Variants in CSF1R observed in about 807,000 individuals in gnomAD.
CSF1R encodes the protein colony stimulating factor 1 receptor, also known as macrophage colony-stimulating factor 1 receptor.
A neutral mutation model predicts 110.0 loss-of-function variants in CSF1R; 40 were observed. That is an observed-to-expected ratio of 0.36 (90% CI 0.28 to 0.47). The LOEUF is 0.47. Among genes scored for constraint, CSF1R ranks in the 20% least tolerant of loss-of-function variants. The probability of loss-of-function intolerance (pLI) is 0.99; values close to 1 mark genes in which losing one functional copy is unlikely to be tolerated. For synonymous variants in CSF1R, 523 were observed against 503.4 expected (o/e 1.04, Z -0.52); for missense variants, 1,052 against 1,253.0 (o/e 0.84, Z 2.42).
chr5:150,069,289 A>C (rs535565050), intron 9 of CSF1R, among the ~76,000 whole-genome samples: 7 of 152,306 alleles, frequency 4.6e-5, no homozygotes, highest in Admixed American at 3.9e-4. Flanking sequence ...TGAGAATCAC[A>C]GAACTAGCTG....
chr5:150,070,813 G>A lies in CSF1R; in HGVS notation c.1083-242C>T, dbSNP rs184462938. On this transcript the variant is annotated intron_variant, in intron 6 of 20. Coordinates refer to ENST00000675795, the MANE Select transcript of CSF1R (RefSeq NM_001288705.3). Reference sequence around the variant, plus strand: ...TGTTTTTTTCCCGAGGTTTAATAGAGGTGATGTCTTCAAGGTGCTGGGAGG... The same window carrying A: ...TGTTTTTTTCCCGAGGTTTAATAGAAGTGATGTCTTCAAGGTGCTGGGAGG... Among the ~76,000 whole-genome samples the A allele has an allele frequency of 9.2e-5, 14 of 152,292 alleles. No individual in the cohort carries two copies. The East Asian group carries it at 2.1e-3, about 23-fold the overall frequency.
chr5:150,077,785 G>A (rs893105004), intron 4 of CSF1R, among the ~76,000 whole-genome samples: 1 of 152,154 alleles, frequency 6.6e-6, no homozygotes, highest in African/African-American at 2.4e-5. Context: ...TTCAATGGTG[G>A]CCTAGGAAAC....
In CSF1R at chr5:150,070,533, G is replaced by T; in HGVS notation, c.1121C>A (p.Ser374Tyr). The T allele has an allele frequency of 6.5e-7, 1 of 1,550,082 alleles. No homozygotes were observed. The highest frequency in any genetic ancestry group is 8.7e-7 in the Non-Finnish European group (1 of 1,146,746). The stretch of plus-strand genomic sequence containing the variant: ...CAGGAAGGAGTAGCGGCCAGCCTCA[G>T]AGGGCTTCAGGCGGGGCAGAGAGAG... The part of the protein sequence containing the change: ...FTLSLPRLKP[S>Y]EAGRYSFLAR... The change falls in exon 7 of 21, where the codon TCT becomes TAT. Residue 374 changes from serine (S) to tyrosine (Y), a missense_variant. Around this residue, in one of 5 missense-constraint regions of CSF1R, gnomAD observed 693 missense variants for 735.4 expected, o/e 0.94. Coordinates refer to ENST00000675795, the MANE Select transcript of CSF1R (RefSeq NM_001288705.3).
At chr5:150,063,006 G>A (rs1045184368) in intron 10 of CSF1R, among the ~76,000 whole-genome samples, 2 of 152,008 alleles carry the variant, frequency 1.3e-5, no homozygotes, top group Non-Finnish European at 2.9e-5. Flanking sequence ...ATGATAAGGT[G>A]AGTGGGTTCC....
At chr5:150,086,320 C>T (rs1484027139) in intron 1 of CSF1R, 59 bp downstream of exon 1, 2 of 1,524,700 alleles carry the variant, frequency 1.3e-6, no homozygotes, top group African/African-American at 1.4e-5. Flanking sequence ...TGAATCCTTT[C>T]ACAGGGGTCT....
chr5:150,066,034 G>C lies in CSF1R; in HGVS notation c.1626+2181C>G, dbSNP rs1757755324. On this transcript the variant is annotated intron_variant, in intron 10 of 20. Coordinates refer to ENST00000675795, the MANE Select transcript of CSF1R (RefSeq NM_001288705.3). ...TTGGAGCTGCTCAGAGAAGGAACAG[G>C]TGGCCCCGAGAGTGAGTAAGGTCCT... is the stretch of plus-strand genomic sequence containing the variant. 2.0e-5 allele frequency among the ~76,000 whole-genome samples: 3 copies of C among 152,324 alleles called. No individual in the cohort carries two copies. The East Asian group carries it at 5.8e-4, about 29-fold the overall frequency.
At chr5:150,068,522 T>C (rs1757883682) in intron 9 of CSF1R, among the ~76,000 whole-genome samples, 192 bp from the exon 10 acceptor site, 1 of 152,000 alleles carries the variant, frequency 6.6e-6, no homozygotes. Context: ...GACGGCCTCT[T>C]CAGCTCTGCT....
At position 150,070,263 on chromosome 5, in the gene CSF1R, C is replaced by A. The variant is rs751675713; in HGVS notation, c.1238G>T (p.Gly413Val). Residue 413 changes from glycine (G) to valine (V), a missense_variant, in exon 8 of 21, where the codon GGC becomes GTC. Coordinates refer to ENST00000675795, the MANE Select transcript of CSF1R (RefSeq NM_001288705.3). ...GGCAGCACACAAAAGGGTGCCAGAG[C>A]CGTTGATGAATGTCCATATGACGCT... ...EVSVIWTFINGSGTLLCAASG... is the reference protein window; with the variant it reads ...EVSVIWTFINVSGTLLCAASG... 2.2e-5 allele frequency: 36 copies of A among 1,614,018 alleles called. No individual in the cohort carries two copies. Among genetic ancestry groups the A allele is most frequent in the Non-Finnish European group, 3.0e-5 (35 of 1,180,014 alleles).
intron 19 of CSF1R, 179 bp from the exon 20 acceptor site, chr5:150,054,609 G>A (rs1213682073): frequency 1.7e-6 from 1 of 572,392 alleles, no homozygotes. Context: ...AGTAACCCTT[G>A]CAGAAGGGTA....
chr5:150,080,729 C>T (rs372581926), intron 2 of CSF1R, 38 bp downstream of exon 2: 23 of 1,611,982 alleles, frequency 1.4e-5, no homozygotes, highest in Middle Eastern at 1.7e-4. Context: ...TGGGGCCTGC[C>T]GGGTCAGGCC....
At chr5:150,077,620 C>T (rs758982328) in intron 4 of CSF1R, among the ~76,000 whole-genome samples, 185 bp from the exon 5 acceptor site, 6 of 152,132 alleles carry the variant, frequency 3.9e-5, no homozygotes, top group Non-Finnish European at 1.5e-5. Context: ...ATGAGATATG[C>T]ATGCAAGTGG....
chr5:150,074,627 G>T (rs1028999414), intron 5 of CSF1R, among the ~76,000 whole-genome samples: 1 of 152,108 alleles, frequency 6.6e-6, no homozygotes, highest in Non-Finnish European at 1.5e-5. Flanking sequence ...AAACCTCAGG[G>T]CTCTGCCACA....
intron 1 of CSF1R, among the ~76,000 whole-genome samples, chr5:150,111,910 T>C (rs913199698): frequency 6.6e-6 from 1 of 152,246 alleles, no homozygotes; most frequent in Non-Finnish European, 1.5e-5. Flanking sequence ...TCTTGATTTT[T>C]GTGTTGAGAA....
At chr5:150,098,448 C>T (rs1419126258) in intron 1 of CSF1R, 1 of 152,852 alleles carries the variant, frequency 6.5e-6, no homozygotes, top group African/African-American at 2.4e-5. Flanking sequence ...TTGATCACAA[C>T]CAGTTACAGG....
chr5:150,100,915 G>T (rs149325647), intron 1 of CSF1R, among the ~76,000 whole-genome samples: 4 of 152,088 alleles, frequency 2.6e-5, no homozygotes, highest in Admixed American at 6.5e-5. Context: ...ACAATTATAC[G>T]CATGCTTGGT....
chr5:150,092,589 G>A (rs1293322785), intron 1 of CSF1R, among the ~76,000 whole-genome samples: 1 of 152,202 alleles, frequency 6.6e-6, no homozygotes, highest in Non-Finnish European at 1.5e-5. Flanking sequence ...CAAAGGAGGA[G>A]CAGAATCACA....
At chr5:150,078,409 G>A (rs989456779) in intron 3 of CSF1R, among the ~76,000 whole-genome samples, 161 bp from the exon 4 acceptor site, 1 of 151,956 alleles carries the variant, frequency 6.6e-6, no homozygotes, top group Non-Finnish European at 1.5e-5. Flanking sequence ...TCCCCCCACT[G>A]CAAGGCCTGT....
Position 150,080,769 on chromosome 5 carries a change from T to A in CSF1R, c.305A>T (p.Lys102Ile). 1 of 1,614,066 alleles carries A rather than the reference T, an allele frequency of 6.2e-7. No homozygotes were observed. Among genetic ancestry groups the A allele is most frequent in the Non-Finnish European group, 8.5e-7 (1 of 1,179,972 alleles). The change falls in exon 2 of 21, where the codon AAA (lysine) becomes ATA (isoleucine). Residue 102 changes from lysine (K) to isoleucine (I), a missense_variant and splice_region_variant. By Grantham distance (102) the Lys-to-Ile change is moderately radical. This residue lies in a region of CSF1R where 693 missense variants were observed against 735.4 expected (regional missense o/e 0.94). Transcript: ENST00000675795. ...GGGAGGAGGCTCAGACTCCTCACCT[T>A]TGACATAGAGGTGGATGGCGGCGCT... is the stretch of plus-strand genomic sequence containing the variant. ...GGSAAIHLYV[K>I]DPARPWNVLA... is the part of the protein sequence containing the mutation.
At chr5:150,107,631 C>T (rs1759592221) in intron 1 of CSF1R, among the ~76,000 whole-genome samples, 1 of 152,238 alleles carries the variant, frequency 6.6e-6, no homozygotes, top group South Asian at 2.1e-4. Context: ...AGCCAGAGCC[C>T]ACATGTTCAA....
Sources: gnomAD v4.1 joint callset for allele counts (sites outside exome capture counted in the v4.1 genomes callset) on GRCh38, gnomAD v4.1.1 for gene constraint, gnomAD v4.1.1 regional missense constraint, MANE v1.5 for transcripts, NCBI Gene and HGNC (gene_info 2026-07-23, HGNC 2026-07-21) for gene names.